TCOF1: variants seen among roughly 807,000 people sequenced by gnomAD.
TCOF1 encodes the protein treacle protein.
TCOF1 carries 33 observed loss-of-function variants against 149.0 expected under a neutral mutation model. The observed-to-expected ratio is 0.22, with a 90% confidence interval of 0.17 to 0.30. The LOEUF is 0.30. Ranked by LOEUF, TCOF1 falls within the 10% of genes least tolerant of loss-of-function variation. TCOF1 has a pLI of 1.00. For synonymous variants in TCOF1, 789 were observed against 738.8 expected (o/e 1.07, Z -1.10); for missense variants, 1,728 against 1,840.7 (o/e 0.94, Z 1.12).
intron 1 of TCOF1, among the ~76,000 whole-genome samples, chr5:150,359,044 A>AT (rs1188808932): frequency 1.3e-5 from 2 of 150,720 alleles, no homozygotes; most frequent in Non-Finnish European, 3.0e-5. Flanking sequence ...TCAAAAAAAA[A>AT]TTTTTTTTAA....
intron 2 of TCOF1, among the ~76,000 whole-genome samples, chr5:150,362,576 C>CTTAG (rs1342561522): frequency 5.3e-5 from 8 of 152,256 alleles, no homozygotes; most frequent in African/African-American, 1.9e-4. Flanking sequence ...TCAGAGCTAT[C>CTTAG]TAAAAATGAG....
chr5:150,395,503 C>G (rs1043599327), intron 23 of TCOF1, among the ~76,000 whole-genome samples: 1 of 151,362 alleles, frequency 6.6e-6, no homozygotes, highest in African/African-American at 2.4e-5. Context: ...AGAGGCGGTG[C>G]GACAAGGAGA....
intron 23 of TCOF1, chr5:150,393,999 A>T: frequency 4.6e-6 from 1 of 219,240 alleles, no homozygotes; most frequent in South Asian, 6.8e-5. Flanking sequence ...TGGTACAGTG[A>T]GACCCTGTCT....
chr5:150,395,464 G>C (rs1315024503), intron 23 of TCOF1, among the ~76,000 whole-genome samples: 1 of 152,102 alleles, frequency 6.6e-6, no homozygotes, highest in Non-Finnish European at 1.5e-5. Context: ...AGGAATTGCT[G>C]CTCACTTTCT....
intron 1 of TCOF1, 148 bp downstream of exon 1, chr5:150,358,002 G>A (rs1428676317): frequency 1.2e-5 from 9 of 720,990 alleles, no homozygotes; most frequent in Non-Finnish European, 2.0e-5. Flanking sequence ...TACCGGAGGA[G>A]CCGCAATCTC....
intron 17 of TCOF1, among the ~76,000 whole-genome samples, chr5:150,381,636 A>G (rs919400664): frequency 6.6e-6 from 1 of 152,252 alleles, no homozygotes; most frequent in African/African-American, 2.4e-5. Context: ...AGACTAAGAC[A>G]TAGGCCCCGG....
chr5:150,387,948 C>A lies in TCOF1; in HGVS notation c.2906C>A (p.Ala969Asp). 6.2e-7 allele frequency: 1 copy of A among 1,614,060 alleles called. No individual in the cohort carries two copies. ...TTTGTCGACCCTAATCGTAGTCCAGCTGGCCCAGCTGCTACACCCGCACAA... is the reference window on the plus strand; with the variant it reads ...TTTGTCGACCCTAATCGTAGTCCAGATGGCCCAGCTGCTACACCCGCACAA... ...LIFVDPNRSP[A>D]GPAATPAQAQ... The change falls in exon 18 of 27, where the codon GCT becomes GAT. Residue 969 changes from alanine (A) to aspartate (D), a missense_variant. By Grantham distance (126) the Ala-to-Asp change is moderately radical. Around this residue, in one of 2 missense-constraint regions of TCOF1, gnomAD observed 1,696 missense variants for 1,765.4 expected, o/e 0.96. Transcript: ENST00000643257.
chr5:150,362,852 C>T (rs888247543), intron 2 of TCOF1, among the ~76,000 whole-genome samples: 9 of 152,202 alleles, frequency 5.9e-5, no homozygotes, highest in African/African-American at 2.2e-4. Flanking sequence ...GCACACTCTT[C>T]CCTGCCACTG....
chr5:150,364,269 T>A lies in TCOF1; in HGVS notation c.304+17T>A. ...CCAAAGCCAGTAAGAGCCTTGCAGC[T>A]TTGGGAACAGGCTATGGAATATTGA... On this transcript the variant is annotated intron_variant, in intron 3 of 26. Transcript: ENST00000643257. 1 of 1,614,008 alleles carries A rather than the reference T, an allele frequency of 6.2e-7. No homozygotes were observed. The highest frequency in any genetic ancestry group is 8.5e-7 in the Non-Finnish European group (1 of 1,179,920).
At chr5:150,383,648 T>C (rs1765683920) in intron 17 of TCOF1, 2 of 1,353,216 alleles carry the variant, frequency 1.5e-6, no homozygotes, top group African/African-American at 1.5e-5. Context: ...GTTGAAGCAG[T>C]TTCCCCAAAT....
At position 150,357,723 on chromosome 5, in the gene TCOF1, G is replaced by A; in HGVS notation, c.-24G>A. 12 of 1,542,522 alleles carry A rather than the reference G, an allele frequency of 7.8e-6. No individual in the cohort carries two copies. Among genetic ancestry groups the A allele is most frequent in the Non-Finnish European group, 9.6e-6 (11 of 1,143,130 alleles). ...GGGACTAAGGCGGGGCGTGCAGGTAGCCGGCCGGCCGGGGGTCGCGGGTAT... is the reference window on the plus strand; with the variant it reads ...GGGACTAAGGCGGGGCGTGCAGGTAACCGGCCGGCCGGGGGTCGCGGGTAT... On this transcript the variant is annotated 5_prime_UTR_variant, in exon 1 of 27. Coordinates refer to ENST00000643257, the MANE Select transcript of TCOF1 (RefSeq NM_001371623.1).
intron 1 of TCOF1, among the ~76,000 whole-genome samples, chr5:150,359,947 A>T (rs1263779652): frequency 6.6e-6 from 1 of 152,186 alleles, no homozygotes; most frequent in East Asian, 1.9e-4. Flanking sequence ...GAAATGAGGG[A>T]GTGAGCTGTG....
chr5:150,361,010 A>G, intron 1 of TCOF1, 146 bp from the exon 2 acceptor site: 1 of 933,632 alleles, frequency 1.1e-6, no homozygotes, highest in South Asian at 1.4e-5. Context: ...TGCTGAGATT[A>G]CAGGTATGAG....
At chr5:150,370,674 T>C (rs377225101) in intron 6 of TCOF1, among the ~76,000 whole-genome samples, 4 of 152,038 alleles carry the variant, frequency 2.6e-5, no homozygotes, top group African/African-American at 9.7e-5. Flanking sequence ...GATCTTTAAA[T>C]GAGAGGGAGA....
intron 6 of TCOF1, among the ~76,000 whole-genome samples, chr5:150,370,008 G>A (rs1176113518): frequency 6.6e-6 from 1 of 152,192 alleles, no homozygotes; most frequent in Non-Finnish European, 1.5e-5. Context: ...GGCTGCGGCT[G>A]CTGAGAGGGT....
rs1481745468 is a variant in TCOF1, at chr5:150,374,232, C to T, written c.929C>T (p.Thr310Ile). 3 of 1,612,146 alleles carry T rather than the reference C, an allele frequency of 1.9e-6. No individual in the cohort carries two copies. Among genetic ancestry groups the T allele is most frequent in the African/African-American group, 1.3e-5 (1 of 74,826 alleles). ...GCTGCCTCAGCCCCTGCCAAGGGGA[C>T]CCCTGGGAAAGGGGCTACCCCAGCA... ...VRAASAPAKG[T>I]PGKGATPAPP... Residue 310 changes from threonine (T) to isoleucine (I), a missense_variant, in exon 8 of 27, where the codon ACC becomes ATC. Thr to Ile is a moderately conservative substitution (Grantham distance 89). This residue lies in a region of TCOF1 where 1,696 missense variants were observed against 1,765.4 expected (regional missense o/e 0.96). Transcript: ENST00000643257.
rs1266128722 is a variant in TCOF1, at chr5:150,357,726, G to A, written c.-21G>A. Reference sequence around the variant, plus strand: ...ACTAAGGCGGGGCGTGCAGGTAGCCGGCCGGCCGGGGGTCGCGGGTATGGC... The same window carrying A: ...ACTAAGGCGGGGCGTGCAGGTAGCCAGCCGGCCGGGGGTCGCGGGTATGGC... On this transcript the variant is annotated 5_prime_UTR_variant, in exon 1 of 27. Coordinates refer to ENST00000643257, the MANE Select transcript of TCOF1 (RefSeq NM_001371623.1). 2 of 1,543,942 alleles carry A rather than the reference G, an allele frequency of 1.3e-6. No individual in the cohort carries two copies. The highest frequency in any genetic ancestry group is 8.7e-7 in the Non-Finnish European group (1 of 1,143,940).
chr5:150,376,605 T>C lies in TCOF1; in HGVS notation c.2325T>C (p.Ala775=). 1.3e-6 allele frequency: 2 copies of C among 1,569,372 alleles called. No individual in the cohort carries two copies. Among genetic ancestry groups the C allele is most frequent in the South Asian group, 2.3e-5 (2 of 86,240 alleles). Residue 775 remains alanine (A), a synonymous_variant, in exon 14 of 27, where the codon GCT becomes GCC. Coordinates refer to ENST00000643257, the MANE Select transcript of TCOF1 (RefSeq NM_001371623.1). Reference sequence around the variant, plus strand: ...AGGAATCAGACAGTGAGGAAGCAGCTGCATCTCCAGCACAGGTGAGGCCTA... The same window carrying C: ...AGGAATCAGACAGTGAGGAAGCAGCCGCATCTCCAGCACAGGTGAGGCCTA... ...SEEESDSEEA[A]ASPAQVKTSV...
intron 1 of TCOF1, among the ~76,000 whole-genome samples, chr5:150,359,425 C>T (rs1759501284): frequency 6.6e-6 from 1 of 151,630 alleles, no homozygotes; most frequent in Admixed American, 6.6e-5. Context: ...GAGGCAGGGG[C>T]TGGCTGGAGT....
Sources: allele counts gnomAD v4.1 joint callset (sites outside exome capture counted in the v4.1 genomes callset), GRCh38; gene constraint gnomAD v4.1.1; regional missense constraint gnomAD v4.1.1; transcripts MANE v1.5; gene names NCBI Gene and HGNC (gene_info 2026-07-23, HGNC 2026-07-21).